Variants in CATSPER3 observed in about 807,000 individuals in gnomAD.
CATSPER3 encodes the protein cation channel sperm associated 3, also known as cation channel sperm-associated protein 3.
In CATSPER3, 23 loss-of-function variants were observed where a neutral mutation model predicts 36.6. The observed-to-expected ratio is 0.63, with a 90% CI of 0.45 to 0.89. The LOEUF is 0.89. Ranked by LOEUF, CATSPER3 falls within the 40% of genes least tolerant of loss-of-function variation. CATSPER3 has a pLI of 0.00. For missense variants in CATSPER3, 474 were observed against 503.9 expected, an observed-to-expected ratio of 0.94 and a Z score of 0.57; for synonymous variants, 172 against 184.1, an observed-to-expected ratio of 0.93 and a Z score of 0.53.
At chr5:135,006,794 C>T (rs1401610980) in intron 3 of CATSPER3, among the ~76,000 whole-genome samples, 4 of 147,410 alleles carry the variant, frequency 2.7e-5, no homozygotes, top group African/African-American at 5.1e-5. Flanking sequence ...GCCGAGATTG[C>T]GCCACTGCAC....
Position 135,008,995 on chromosome 5 carries a change from T to C in CATSPER3, c.816+14T>C, listed in dbSNP as rs1431690622. 2 of 1,614,004 alleles carry C rather than the reference T, an allele frequency of 1.2e-6. No homozygotes were observed. Among genetic ancestry groups the C allele is most frequent in the Non-Finnish European group, 1.7e-6 (2 of 1,179,992 alleles). On this transcript the variant is annotated intron_variant, in intron 5 of 7. Transcript: ENST00000282611. ...ATGCACACAGAGGTGAGGCCACACC[T>C]GTGAGGATCGGAGGTCAGGGCAGGT...
chr5:134,994,937 CCCTT>C (rs1202036141), intron 2 of CATSPER3, among the ~76,000 whole-genome samples: 1 of 151,454 alleles, frequency 6.6e-6, no homozygotes, highest in African/African-American at 2.4e-5. Flanking sequence ...CTACCTCCCT[CCCTT>C]CCTTCCTTTC....
At position 134,967,983 on chromosome 5, in the gene CATSPER3, A is replaced by G; in HGVS notation, c.-9A>G. ...TAAAAGCAAGGAATAAAAGTTGAAA[A>G]TTTGGAAAATGTCTCAACACCGTCA... On this transcript the variant is annotated 5_prime_UTR_variant, in exon 1 of 8. Coordinates refer to ENST00000282611, the MANE Select transcript of CATSPER3 (RefSeq NM_178019.3). 6.2e-7 allele frequency: 1 copy of G among 1,610,900 alleles called. No homozygotes were observed. The highest frequency in any genetic ancestry group is 1.1e-5 in the South Asian group (1 of 90,996).
At chr5:134,970,395 G>A (rs977055304) in intron 2 of CATSPER3, among the ~76,000 whole-genome samples, 5 of 151,200 alleles carry the variant, frequency 3.3e-5, no homozygotes, top group African/African-American at 1.2e-4. Context: ...TCTTGACCTC[G>A]TGATCCACCC....
At chr5:134,999,553 C>T (rs948678558) in intron 3 of CATSPER3, among the ~76,000 whole-genome samples, 9 of 152,280 alleles carry the variant, frequency 5.9e-5, no homozygotes, top group Non-Finnish European at 1.0e-4. Flanking sequence ...ATGGAACATT[C>T]TTCCATTTGT....
chr5:135,009,004 C>G (rs573826670), intron 5 of CATSPER3, 23 bp downstream of exon 5: 1 of 1,613,758 alleles, frequency 6.2e-7, no homozygotes, highest in Non-Finnish European at 8.5e-7. Flanking sequence ...CTGTGAGGAT[C>G]GGAGGTCAGG....
chr5:134,974,627 C>T (rs1191801308), intron 2 of CATSPER3, among the ~76,000 whole-genome samples: 2 of 152,126 alleles, frequency 1.3e-5, no homozygotes, highest in African/African-American at 4.8e-5. Flanking sequence ...TAAAAATATA[C>T]TCTTCTTATC....
chr5:134,981,143 A>C (rs1751746068), intron 2 of CATSPER3, among the ~76,000 whole-genome samples: 1 of 145,936 alleles, frequency 6.9e-6, no homozygotes, highest in Admixed American at 6.8e-5. Context: ...TTTTCCCCAA[A>C]CCCTCTCTCT....
chr5:134,986,458 C>CTTTTTTTTTTTTTTTTTTTTTTTTTT (rs61671231), intron 2 of CATSPER3, among the ~76,000 whole-genome samples: 1 of 116,622 alleles, frequency 8.6e-6, no homozygotes. Context: ...ACAGCATACC[C>CTTTTTTTTTTTTTTTTTTTTTTTTTT]TTTTTTTTTT....
At position 135,008,004 on chromosome 5, in the gene CATSPER3, G is replaced by T; in HGVS notation, c.540G>T (p.Val180=). The change falls in exon 4 of 8, where the codon GTG becomes GTT. Residue 180 remains valine, a synonymous_variant. Transcript: ENST00000282611. ...AGACAGTCTACACCGTGGCCTCTGT[G>T]CTCCTCCTGCTCTTCCTCCTCATGT... The part of the protein sequence containing the change: ...VGQTVYTVAS[V]LLLLFLLMYI... 2 of 1,614,144 alleles carry T rather than the reference G, an allele frequency of 1.2e-6. No homozygotes were observed. The highest frequency in any genetic ancestry group is 2.2e-5 in the South Asian group (2 of 91,084).
chr5:134,992,215 A>AATAT (rs1339393398), intron 2 of CATSPER3, among the ~76,000 whole-genome samples: 4 of 152,202 alleles, frequency 2.6e-5, no homozygotes, highest in African/African-American at 9.7e-5. Flanking sequence ...AGAATATATA[A>AATAT]AGAACTTCTA....
chr5:134,983,568 G>A (rs1457482524), intron 2 of CATSPER3, among the ~76,000 whole-genome samples: 1 of 151,966 alleles, frequency 6.6e-6, no homozygotes, highest in Non-Finnish European at 1.5e-5. Flanking sequence ...GATACAAATA[G>A]GTTGAAAGTG....
At chr5:135,000,996 A>G (rs1400473426) in intron 3 of CATSPER3, among the ~76,000 whole-genome samples, 3 of 151,422 alleles carry the variant, frequency 2.0e-5, no homozygotes, top group African/African-American at 7.3e-5. Flanking sequence ...TTGCTTCTCT[A>G]GTTTTTTTAA....
chr5:134,979,417 G>T (rs192851001), intron 2 of CATSPER3, among the ~76,000 whole-genome samples: 13 of 152,302 alleles, frequency 8.5e-5, no homozygotes, highest in Admixed American at 3.3e-4. Flanking sequence ...GAGCCACCAT[G>T]CACTAACCCA....
At chr5:134,999,053 C>G (rs1751988808) in intron 3 of CATSPER3, among the ~76,000 whole-genome samples, 1 of 152,152 alleles carries the variant, frequency 6.6e-6, no homozygotes, top group South Asian at 2.1e-4. Context: ...TTAGGTCTAG[C>G]ATTTAAGTCT....
intron 6 of CATSPER3, 94 bp from the exon 7 acceptor site, chr5:135,010,279 C>T: frequency 8.8e-7 from 1 of 1,133,272 alleles, no homozygotes; most frequent in Admixed American, 1.7e-5. Flanking sequence ...GGTCAGGCCG[C>T]TGCCTGGGGC....
At chr5:134,971,982 A>G (rs960085859) in intron 2 of CATSPER3, among the ~76,000 whole-genome samples, 3 of 152,202 alleles carry the variant, frequency 2.0e-5, no homozygotes, top group African/African-American at 7.2e-5. Flanking sequence ...AAACAGCACA[A>G]TAGAAAAAGA....
In CATSPER3 at chr5:135,010,360, C is replaced by T. The variant is rs1305067228; in HGVS notation, c.937-13C>T. The T allele has an allele frequency of 6.2e-7, 1 of 1,613,128 alleles. No individual in the cohort carries two copies. Among genetic ancestry groups the T allele is most frequent in the Admixed American group, 1.7e-5 (1 of 60,022 alleles). ...TCCTCATCACTGCTCTCTCGTTATG[C>T]TTTCCTCTCTAGAAAAATGCTGACT... On this transcript the variant is annotated splice_polypyrimidine_tract_variant and intron_variant, in intron 6 of 7. Coordinates refer to ENST00000282611, the MANE Select transcript of CATSPER3 (RefSeq NM_178019.3).
At position 135,010,427 on chromosome 5, in the gene CATSPER3, T is replaced by C. The variant is rs769883784; in HGVS notation, c.991T>C (p.Leu331=). The C allele has an allele frequency of 6.2e-7, 1 of 1,613,782 alleles. No individual in the cohort carries two copies. The highest frequency in any genetic ancestry group is 2.2e-5 in the East Asian group (1 of 44,882). Reference sequence around the variant, plus strand: ...GCTGGTGGAGAACTTTAAGAAGACCTTGAGCCACACTGACCCAATGGTCTT... The same window carrying C: ...GCTGGTGGAGAACTTTAAGAAGACCCTGAGCCACACTGACCCAATGGTCTT... ...SELVENFKKT[L]SHTDPMVLDD... The change falls in exon 7 of 8, where the codon TTG becomes CTG. Residue 331 remains leucine, a synonymous_variant. Coordinates refer to ENST00000282611, the MANE Select transcript of CATSPER3 (RefSeq NM_178019.3).
Sources: allele counts gnomAD v4.1 joint callset (sites outside exome capture counted in the v4.1 genomes callset), GRCh38; gene constraint gnomAD v4.1.1; transcripts MANE v1.5; gene names NCBI Gene and HGNC (gene_info 2026-07-23, HGNC 2026-07-21).